NUP210: variants seen among roughly 807,000 people sequenced by gnomAD.
NUP210 encodes nuclear pore membrane glycoprotein 210.
Under a neutral mutation model 196.0 loss-of-function variants are expected in NUP210, and 151 were observed. The observed-to-expected ratio is 0.77, with a 90% CI of 0.67 to 0.88. The LOEUF (loss-of-function observed/expected upper bound fraction) is 0.88, where lower values mean the gene tolerates loss of function less well. NUP210 is among the 40% of genes least tolerant of loss of function. The probability of loss-of-function intolerance (pLI) is 0.00; values close to 1 mark genes in which losing one functional copy is unlikely to be tolerated. For missense variants in NUP210, 2,314 were observed against 2,493.7 expected, an observed-to-expected ratio of 0.93 and a Z score of 1.53; for synonymous variants, 1,070 against 1,052.7, an observed-to-expected ratio of 1.02 and a Z score of -0.32.
intron 14 of NUP210, among the ~76,000 whole-genome samples, chr3:13,365,023 T>A (rs1649868421): frequency 6.6e-6 from 1 of 152,060 alleles, no homozygotes; most frequent in East Asian, 1.9e-4. Flanking sequence ...CCCCTAGGAC[T>A]GCTCTCCAGC....
At chr3:13,375,480 G>A (rs752704873) in intron 11 of NUP210, 24 bp downstream of exon 11, 18 of 1,605,616 alleles carry the variant, frequency 1.1e-5, no homozygotes, top group Middle Eastern at 1.7e-4. Context: ...AGGAATGCAC[G>A]CAGAGGTGAG....
chr3:13,372,944 C>T (rs1178593201), intron 12 of NUP210, among the ~76,000 whole-genome samples: 1 of 152,130 alleles, frequency 6.6e-6, no homozygotes, highest in Non-Finnish European at 1.5e-5. Flanking sequence ...CAACGCTGGA[C>T]CTCATGCTTC....
Position 13,340,388 on chromosome 3 carries a change from A to G in NUP210, c.3229-90T>C. ...ACACACTACATGTTTCATGAGAGGA[A>G]AACCTGGGACATGGACATCACTTCT... On this transcript the variant is annotated intron_variant, in intron 23 of 39. Transcript: ENST00000254508. The surrounding 1 kb of genome is among the most constrained non-coding windows in gnomAD (Gnocchi z 4.0). 6 of 1,163,614 alleles carry G rather than the reference A, an allele frequency of 5.2e-6. No individual in the cohort carries two copies. The highest frequency in any genetic ancestry group is 7.6e-6 in the Non-Finnish European group (6 of 785,542). The allele number at this position is 1,163,614 out of a possible 1,614,324, so 72.1% of individuals were successfully genotyped here. A position where few individuals can be genotyped will look rare whatever the true frequency, so the allele number is the denominator to read the frequency against.
chr3:13,341,072 C>T (rs1351618127), intron 23 of NUP210: 1 of 152,314 alleles, frequency 6.6e-6, no homozygotes, highest in Non-Finnish European at 1.5e-5. Flanking sequence ...CGCTCACCAG[C>T]CCCCGAGTGG....
chr3:13,379,257 C>G lies in NUP210; in HGVS notation c.977-277G>C, dbSNP rs1576400663. On this transcript the variant is annotated intron_variant, in intron 7 of 39. Coordinates refer to ENST00000254508, the MANE Select transcript of NUP210 (RefSeq NM_024923.4). The surrounding 1 kb of genome is among the most constrained non-coding windows in gnomAD (Gnocchi z 4.2). Reference sequence around the variant, plus strand: ...TCTGGGGCATCAACACTCCATTATGCTAGTATGGAAACAGCCCCCGCCAGG... The same window carrying G: ...TCTGGGGCATCAACACTCCATTATGGTAGTATGGAAACAGCCCCCGCCAGG... 6.6e-6 allele frequency among the ~76,000 whole-genome samples: 1 copy of G among 152,144 alleles called. No individual in the cohort carries two copies. Among genetic ancestry groups the G allele is most frequent in the Admixed American group, 6.5e-5 (1 of 15,276 alleles).
In NUP210 at chr3:13,358,436, T is replaced by C. The variant is rs758324742; in HGVS notation, c.2155-41A>G. 9 of 1,563,374 alleles carry C rather than the reference T, an allele frequency of 5.8e-6. No homozygotes were observed. In the South Asian group the frequency reaches 1.1e-4, roughly 19 times the overall value. On this transcript the variant is annotated intron_variant, in intron 15 of 39. Coordinates refer to ENST00000254508, the MANE Select transcript of NUP210 (RefSeq NM_024923.4). ...GAACAGTCAGACCCCCAAGCTTGAGTTCTCACTCCTCTCTGAGCTATGCCA... is the reference window on the plus strand; with the variant it reads ...GAACAGTCAGACCCCCAAGCTTGAGCTCTCACTCCTCTCTGAGCTATGCCA...
chr3:13,411,790 G>T (rs1301827451), intron 1 of NUP210, among the ~76,000 whole-genome samples: 1 of 152,218 alleles, frequency 6.6e-6, no homozygotes, highest in Non-Finnish European at 1.5e-5. Context: ...ACCCAGGCTG[G>T]AGTGCAGTGA....
rs754051057 is a variant in NUP210, at chr3:13,353,575, G to A, written c.2607C>T (p.Ser869=). ...TATGYQESHL[S]SARTKQPHDP... ...ATACCGGCTGCTTTGTTCTGGCAGA[G>A]CTGAGGTGGGACTCCTGGTAGCCAG... The change falls in exon 18 of 40, where the codon AGC becomes AGT. Residue 869 remains serine, a synonymous_variant. Coordinates refer to ENST00000254508, the MANE Select transcript of NUP210 (RefSeq NM_024923.4). The A allele has an allele frequency of 2.9e-5, 47 of 1,613,952 alleles. No individual in the cohort carries two copies. Among genetic ancestry groups the A allele is most frequent in the Non-Finnish European group, 3.9e-5 (46 of 1,179,976 alleles).
In NUP210 at chr3:13,350,899, C is replaced by T. The variant is rs1341802300; in HGVS notation, c.2835+980G>A. Among the ~76,000 whole-genome samples the T allele has an allele frequency of 2.0e-5, 3 of 151,876 alleles. No homozygotes were observed. The highest frequency in any genetic ancestry group is 1.3e-4 in the Admixed American group (2 of 15,258). On this transcript the variant is annotated intron_variant, in intron 20 of 39. Transcript: ENST00000254508. The surrounding 1 kb of genome is among the most constrained non-coding windows in gnomAD (Gnocchi z 4.1). ...ATATTTAGTAGAGACAGGGTTTCAC[C>T]GTGTTAGCCAGGATGGTCTCAATCT...
chr3:13,387,683 G>A (rs889593522), intron 5 of NUP210, among the ~76,000 whole-genome samples: 4 of 152,230 alleles, frequency 2.6e-5, no homozygotes, highest in African/African-American at 9.6e-5. Flanking sequence ...AGCTCAAAAC[G>A]AGGCACTGGT....
chr3:13,406,287 A>T (rs1161469446), intron 1 of NUP210, among the ~76,000 whole-genome samples: 1 of 152,164 alleles, frequency 6.6e-6, no homozygotes, highest in Non-Finnish European at 1.5e-5. Flanking sequence ...GCACAGGGGC[A>T]GGGTAATGTC....
intron 20 of NUP210, among the ~76,000 whole-genome samples, chr3:13,349,933 A>AC (rs932796002): frequency 1.3e-5 from 2 of 152,208 alleles, no homozygotes; most frequent in African/African-American, 4.8e-5. Flanking sequence ...TCTTCTAGGG[A>AC]AAGGGTCCCT....
At chr3:13,332,922 A>G (rs1697057603) in intron 28 of NUP210, among the ~76,000 whole-genome samples, 1 of 152,228 alleles carries the variant, frequency 6.6e-6, no homozygotes, top group Admixed American at 6.5e-5. Flanking sequence ...GGGTTTGCTC[A>G]GGATAACTGT....
chr3:13,340,440 G>A lies in NUP210; in HGVS notation c.3229-142C>T. 1 of 725,008 alleles carries A rather than the reference G, an allele frequency of 1.4e-6. No homozygotes were observed. Among genetic ancestry groups the A allele is most frequent in the Non-Finnish European group, 2.3e-6 (1 of 428,890 alleles). The allele number at this position is 725,008 out of a possible 1,614,324, so 44.9% of individuals were successfully genotyped here. A position where few individuals can be genotyped will look rare whatever the true frequency, so the allele number is the denominator to read the frequency against. ...TCTGAGCAGTGACCAGAGGGCCCAG[G>A]GTCCTGGGCCAATGCTGGGGGCTGT... On this transcript the variant is annotated intron_variant, in intron 23 of 39. Transcript: ENST00000254508. The surrounding 1 kb of genome is among the most constrained non-coding windows in gnomAD (Gnocchi z 4.0).
chr3:13,398,293 AT>A (rs1559345612), intron 2 of NUP210, among the ~76,000 whole-genome samples: 1 of 152,196 alleles, frequency 6.6e-6, no homozygotes, highest in African/African-American at 2.4e-5. Context: ...TACAAGAAAA[AT>A]TAGTCAGGCA....
At chr3:13,335,729 C>T (rs1697190765) in intron 27 of NUP210, 117 bp from the exon 28 acceptor site, 2 of 1,188,590 alleles carry the variant, frequency 1.7e-6, no homozygotes, top group Admixed American at 2.2e-5. Context: ...TAGCTGCTGG[C>T]CTGTTCTCAA....
chr3:13,331,844 C>T (rs1349664180), intron 29 of NUP210, among the ~76,000 whole-genome samples: 2 of 152,126 alleles, frequency 1.3e-5, no homozygotes, highest in Admixed American at 6.6e-5. Context: ...TTTTCCCAAG[C>T]GTTACTGTGC....
In NUP210 at chr3:13,358,408, A is replaced by G. The variant is rs1698259702; in HGVS notation, c.2155-13T>C. On this transcript the variant is annotated splice_polypyrimidine_tract_variant and intron_variant, in intron 15 of 39. Transcript: ENST00000254508. ...ACAGGGCGATGACCTGGTAGGGCAC[A>G]GTGAACAGTCAGACCCCCAAGCTTG... 6.2e-7 allele frequency: 1 copy of G among 1,600,270 alleles called. No individual in the cohort carries two copies. The highest frequency in any genetic ancestry group is 1.3e-5 in the African/African-American group (1 of 74,734).
chr3:13,383,320 C>T (rs909315566), intron 6 of NUP210, among the ~76,000 whole-genome samples: 3 of 152,076 alleles, frequency 2.0e-5, no homozygotes, highest in Non-Finnish European at 4.4e-5. Context: ...TTTTGGAGTA[C>T]TTTCACATCT....
Sources: gnomAD v4.1 joint callset for allele counts (sites outside exome capture counted in the v4.1 genomes callset) on GRCh38, gnomAD v4.1.1 for gene constraint, Gnocchi (gnomAD v3.1) non-coding constraint, MANE v1.5 for transcripts, NCBI Gene and HGNC (gene_info 2026-07-23, HGNC 2026-07-21) for gene names.